Variants in KRT74 observed in about 807,000 individuals in gnomAD.
The protein encoded by KRT74 is keratin 74.
Under a neutral mutation model 42.7 loss-of-function variants are expected in KRT74, and 43 were observed. That is an observed-to-expected ratio of 1.01 (90% CI 0.79 to 1.30). KRT74 has a LOEUF of 1.30. Among genes scored for constraint, KRT74 ranks in the 50% most tolerant of loss-of-function variants. The pLI is 0.00. For missense variants in KRT74, 736 were observed against 689.1 expected (o/e 1.07, Z -0.76); for synonymous variants, 302 against 279.0 (o/e 1.08, Z -0.82).
At position 52,571,427 on chromosome 12, in the gene KRT74, C is replaced by T. The variant is rs1186392655; in HGVS notation, c.775G>A (p.Val259Met). Reference protein sequence around the residue: ...KDADAAYAVKVELQAKVDSLD... With the variant: ...KDADAAYAVKMELQAKVDSLD... Reference sequence around the variant, plus strand: ...GAGTCCACTTTGGCCTGAAGCTCCACCTTGACTGCGTAGGCTGCATCTGCA... The same window carrying T: ...GAGTCCACTTTGGCCTGAAGCTCCATCTTGACTGCGTAGGCTGCATCTGCA... The change falls in exon 4 of 9, where the codon GTG becomes ATG. Residue 259 changes from valine to methionine, a missense_variant. Coordinates refer to ENST00000305620, the MANE Select transcript of KRT74 (RefSeq NM_175053.4). The T allele has an allele frequency of 1.2e-6, 2 of 1,613,956 alleles. No homozygotes were observed. The highest frequency in any genetic ancestry group is 1.7e-6 in the Non-Finnish European group (2 of 1,179,858).
chr12:52,573,253 G>A lies in KRT74; in HGVS notation c.471+54C>T. 7.1e-6 allele frequency: 11 copies of A among 1,557,366 alleles called. No individual in the cohort carries two copies. The South Asian group carries it at 1.2e-4, about 17-fold the overall frequency. Reference sequence around the variant, plus strand: ...GTGTGCAGTCCATTCCCAGGCAGCAGGAAAACTGCTCAGGCCTCAGGGTGC... The same window carrying A: ...GTGTGCAGTCCATTCCCAGGCAGCAAGAAAACTGCTCAGGCCTCAGGGTGC... On this transcript the variant is annotated intron_variant, in intron 1 of 8. Coordinates refer to ENST00000305620, the MANE Select transcript of KRT74 (RefSeq NM_175053.4).
chr12:52,571,214 C>T, intron 4 of KRT74, 145 bp downstream of exon 4: 3 of 686,438 alleles, frequency 4.4e-6, no homozygotes, highest in Admixed American at 4.2e-5. Context: ...GCATCCTGCA[C>T]TTCCATGGTC....
chr12:52,566,921 G>A lies in KRT74; in HGVS notation c.*48C>T, dbSNP rs571311695. 2.6e-6 allele frequency: 4 copies of A among 1,549,034 alleles called. No homozygotes were observed. Among genetic ancestry groups the A allele is most frequent in the Middle Eastern group, 4.5e-4 (2 of 4,444 alleles). ...GGTGTGGCAGACACCTTTGGGGGTG[G>A]CAAAGTCACCTCTTCTTCCAAGTGC... On this transcript the variant is annotated 3_prime_UTR_variant, in exon 9 of 9. Transcript: ENST00000305620.
At chr12:52,572,282 A>G (rs1490690794) in intron 2 of KRT74, among the ~76,000 whole-genome samples, 171 bp downstream of exon 2, 1 of 152,208 alleles carries the variant, frequency 6.6e-6, no homozygotes, top group African/African-American at 2.4e-5. Flanking sequence ...TCAACTAGGC[A>G]GGAAGTTATC....
intron 1 of KRT74, 50 bp from the exon 2 acceptor site, chr12:52,572,717 C>T (rs199877173): frequency 7.5e-5 from 115 of 1,532,566 alleles, no homozygotes; most frequent in East Asian, 6.8e-5. Flanking sequence ...TGCAGTCATG[C>T]CCCCTGGACA....
chr12:52,566,163 G>T lies in KRT74; in HGVS notation c.*806C>A, dbSNP rs1179065594. Reference sequence around the variant, plus strand: ...AGAAAAAGCATAGATCCTTGTGTCGGCCAGGCCTGACTCTGGCACATAGGT... The same window carrying T: ...AGAAAAAGCATAGATCCTTGTGTCGTCCAGGCCTGACTCTGGCACATAGGT... On this transcript the variant is annotated 3_prime_UTR_variant, in exon 9 of 9. Transcript: ENST00000305620. 1 of 152,232 alleles carries T rather than the reference G, an allele frequency of 6.6e-6. No homozygotes were observed. The highest frequency in any genetic ancestry group is 1.9e-4 in the East Asian group (1 of 5,192). The allele number at this position is 152,232 out of a possible 1,614,324, so 9.4% of individuals were successfully genotyped here.
intron 8 of KRT74, 84 bp downstream of exon 8, chr12:52,567,575 G>T: frequency 1.0e-6 from 1 of 981,538 alleles, no homozygotes; most frequent in Non-Finnish European, 1.7e-6. Context: ...CTTCTTGGGA[G>T]GTGAGACAGT....
intron 6 of KRT74, 35 bp from the exon 7 acceptor site, chr12:52,568,424 G>A (rs751657148): frequency 3.1e-6 from 5 of 1,606,846 alleles, no homozygotes; most frequent in Non-Finnish European, 4.3e-6. Flanking sequence ...CATCAGAACA[G>A]AAAATTACAT....
chr12:52,572,629 G>T lies in KRT74; in HGVS notation c.510C>A (p.Thr170=). ...CCAGCTGCTGCAGCAGCTCCCACTT[G>T]GTTTCTAGAACCTGGTTCTGCTGCT... ...FLEQQNQVLE[T]KWELLQQLDL... Residue 170 remains threonine (T), a synonymous_variant, in exon 2 of 9, where the codon ACC becomes ACA. Coordinates refer to ENST00000305620, the MANE Select transcript of KRT74 (RefSeq NM_175053.4). The T allele has an allele frequency of 6.2e-7, 1 of 1,614,174 alleles. No homozygotes were observed. Among genetic ancestry groups the T allele is most frequent in the Non-Finnish European group, 8.5e-7 (1 of 1,180,030 alleles).
chr12:52,568,042 G>T, intron 7 of KRT74, 127 bp downstream of exon 7: 2 of 1,126,234 alleles, frequency 1.8e-6, no homozygotes, highest in Non-Finnish European at 2.6e-6. Flanking sequence ...AGCTGCCTCT[G>T]AGTTCACGAA....
At position 52,573,805 on chromosome 12, in the gene KRT74, G is replaced by A; in HGVS notation, c.-28C>T. The stretch of plus-strand genomic sequence containing the variant: ...TGGGAAAGGTTGAGTTGACAGAGCT[G>A]GAGAAAAGCAGTCTCCAAGGGGTAG... On this transcript the variant is annotated 5_prime_UTR_variant, in exon 1 of 9. Transcript: ENST00000305620. 1.3e-6 allele frequency: 2 copies of A among 1,576,262 alleles called. No homozygotes were observed. The highest frequency in any genetic ancestry group is 2.2e-5 in the East Asian group (1 of 44,664).
Position 52,573,629 on chromosome 12 carries a change from A to C in KRT74, c.149T>G (p.Leu50Arg). ...ACGCCGATTCCCTCCAAGGCTATAGAGGCTCCGACTGCCAAAGCCAGCGCC... is the reference window on the plus strand; with the variant it reads ...ACGCCGATTCCCTCCAAGGCTATAGCGGCTCCGACTGCCAAAGCCAGCGCC... The part of the protein sequence containing the change: ...GAGAGFGSRS[L>R]YSLGGNRRIS... The change falls in exon 1 of 9, where the codon CTC becomes CGC. Residue 50 changes from leucine to arginine, a missense_variant. Physicochemically the swap from Leu to Arg is moderately radical, Grantham distance 102. Transcript: ENST00000305620. The C allele has an allele frequency of 6.2e-7, 1 of 1,614,180 alleles. No homozygotes were observed. The highest frequency in any genetic ancestry group is 1.1e-5 in the South Asian group (1 of 91,084).
rs1939534532 is a variant in KRT74 at position 52,573,824 on chromosome 12, G to T, written c.-47C>A. 1 of 1,473,664 alleles carries T rather than the reference G, an allele frequency of 6.8e-7. No individual in the cohort carries two copies. The highest frequency in any genetic ancestry group is 9.5e-7 in the Non-Finnish European group (1 of 1,055,758). The allele number at this position is 1,473,664 out of a possible 1,614,324, so 91.3% of individuals were successfully genotyped here. A position where few individuals can be genotyped will look rare whatever the true frequency, so the allele number is the denominator to read the frequency against. On this transcript the variant is annotated 5_prime_UTR_variant, in exon 1 of 9. Transcript: ENST00000305620. ...AGAGCTGGAGAAAAGCAGTCTCCAA[G>T]GGGTAGAGAACACACTGATGGGGCA... is the stretch of plus-strand genomic sequence containing the variant.
intron 1 of KRT74, 80 bp downstream of exon 1, chr12:52,573,227 A>T (rs1030963545): frequency 3.7e-6 from 5 of 1,369,596 alleles, no homozygotes; most frequent in Non-Finnish European, 5.2e-6. Flanking sequence ...TTCCAGCCAC[A>T]GTGTGCAGTC....
intron 6 of KRT74, among the ~76,000 whole-genome samples, chr12:52,568,952 C>T (rs1939426058): frequency 1.3e-5 from 2 of 152,228 alleles, no homozygotes; most frequent in South Asian, 4.1e-4. Context: ...AAGCTGGACT[C>T]TGATGAACAT....
chr12:52,567,308 A>T, intron 8 of KRT74, 140 bp from the exon 9 acceptor site: 2 of 743,602 alleles, frequency 2.7e-6, no homozygotes, highest in Non-Finnish European at 4.3e-6. Context: ...GTCAAGAAGC[A>T]CTACAGAGAT....
chr12:52,572,774 T>G, intron 1 of KRT74, 107 bp from the exon 2 acceptor site: 2 of 1,037,804 alleles, frequency 1.9e-6, no homozygotes, highest in Non-Finnish European at 3.0e-6. Flanking sequence ...GTAGTCATTT[T>G]TGCTCATGTC....
chr12:52,568,379 A>C lies in KRT74; in HGVS notation c.1145T>G (p.Leu382Arg). 6.2e-7 allele frequency: 1 copy of C among 1,614,214 alleles called. No individual in the cohort carries two copies. The highest frequency in any genetic ancestry group is 1.3e-5 in the African/African-American group (1 of 75,062). ...IGNVKKQRAS[L>R]ETAIADAEQR... is the part of the protein sequence containing the mutation. ...CTCAGCGTCAGCGATGGCCGTCTCC[A>C]GGCTGGCACGCTGAAGGGCAAAGAA... The change falls in exon 7 of 9, where the codon CTG becomes CGG. Residue 382 changes from leucine (L) to arginine (R), a missense_variant. Coordinates refer to ENST00000305620, the MANE Select transcript of KRT74 (RefSeq NM_175053.4).
chr12:52,566,485 G>T lies in KRT74; in HGVS notation c.*484C>A, dbSNP rs1939383286. 6.5e-6 allele frequency: 1 copy of T among 154,516 alleles called. No individual in the cohort carries two copies. Among genetic ancestry groups the T allele is most frequent in the African/African-American group, 2.4e-5 (1 of 41,512 alleles). 9.6% of individuals were successfully genotyped at this position (154,516 alleles called of 1,614,324 possible). On this transcript the variant is annotated 3_prime_UTR_variant, in exon 9 of 9. Coordinates refer to ENST00000305620, the MANE Select transcript of KRT74 (RefSeq NM_175053.4). ...GTGTCCTAAATATTGGCGTCATCCTGCAAAGTTGTTTCTGATGGAGCAAGT... is the reference window on the plus strand; with the variant it reads ...GTGTCCTAAATATTGGCGTCATCCTTCAAAGTTGTTTCTGATGGAGCAAGT...
Sources: gnomAD v4.1 joint callset for allele counts (sites outside exome capture counted in the v4.1 genomes callset) on GRCh38, gnomAD v4.1.1 for gene constraint, MANE v1.5 for transcripts, NCBI Gene and HGNC (gene_info 2026-07-23, HGNC 2026-07-21) for gene names.